The following R3HDM1 variants were observed in gnomAD, a reference collection of about 807,000 sequenced individuals.
R3HDM1 encodes the protein R3H domain-containing protein 1.
A neutral mutation model predicts 141.1 loss-of-function variants in R3HDM1; 46 were observed. The observed-to-expected ratio is 0.33, with a 90% confidence interval of 0.26 to 0.42. The LOEUF (loss-of-function observed/expected upper bound fraction) is 0.42, where lower values mean the gene tolerates loss of function less well. Ranked by LOEUF, R3HDM1 falls within the 10% of genes least tolerant of loss-of-function variation. The probability of loss-of-function intolerance (pLI) is 1.00; values close to 1 mark genes in which losing one functional copy is unlikely to be tolerated. For synonymous variants in R3HDM1, 435 were observed against 472.9 expected, an observed-to-expected ratio of 0.92 and a Z score of 1.04; for missense variants, 1,184 against 1,368.3, an observed-to-expected ratio of 0.87 and a Z score of 2.12.
intron 2 of R3HDM1, among the ~76,000 whole-genome samples, 169 bp from the exon 3 acceptor site, chr2:135,604,637 T>C (rs2059899572): frequency 6.6e-6 from 1 of 152,186 alleles, no homozygotes; most frequent in African/African-American, 2.4e-5. Context: ...TTGTGATCTT[T>C]TTTTTAATTT....
intron 1 of R3HDM1, among the ~76,000 whole-genome samples, chr2:135,545,049 A>G (rs946759309): frequency 9.2e-5 from 14 of 152,232 alleles, no homozygotes; most frequent in African/African-American, 3.4e-4. Flanking sequence ...TAATGATTCC[A>G]TAAATACTGA....
At chr2:135,712,978 G>A (rs1042722484) in intron 23 of R3HDM1, among the ~76,000 whole-genome samples, 7 of 151,968 alleles carry the variant, frequency 4.6e-5, no homozygotes, top group African/African-American at 1.4e-4. Context: ...AAGGAGAAAG[G>A]ATCACTTGAG....
chr2:135,547,303 A>G (rs1437386983), intron 1 of R3HDM1, among the ~76,000 whole-genome samples: 3 of 152,298 alleles, frequency 2.0e-5, no homozygotes, highest in South Asian at 2.1e-4. Flanking sequence ...GCATTTGACT[A>G]TCATTCTCAT....
chr2:135,722,318 C>A, intron 25 of R3HDM1, 151 bp from the exon 26 acceptor site: 1 of 773,444 alleles, frequency 1.3e-6, no homozygotes, highest in Non-Finnish European at 2.1e-6. Context: ...ATGCCACTGC[C>A]ACAGGCAGAA....
intron 21 of R3HDM1, among the ~76,000 whole-genome samples, chr2:135,683,271 T>A (rs1035369744): frequency 6.6e-6 from 1 of 151,726 alleles, no homozygotes; most frequent in Admixed American, 6.6e-5. Context: ...TAAAGTTCTC[T>A]GACTGGCTGC....
intron 16 of R3HDM1, among the ~76,000 whole-genome samples, chr2:135,649,624 A>G (rs2064918175): frequency 6.6e-6 from 1 of 152,184 alleles, no homozygotes; most frequent in Non-Finnish European, 1.5e-5. Flanking sequence ...TGCCTAAGTC[A>G]CCTGTTCCCG....
chr2:135,574,383 T>G (rs1290465846), intron 1 of R3HDM1, among the ~76,000 whole-genome samples: 1 of 152,344 alleles, frequency 6.6e-6, no homozygotes, highest in African/African-American at 2.4e-5. Context: ...GCATTAGACC[T>G]GAATGGTTTC....
At chr2:135,597,451 A>G (rs1351032109) in intron 1 of R3HDM1, among the ~76,000 whole-genome samples, 2 of 152,232 alleles carry the variant, frequency 1.3e-5, no homozygotes, top group African/African-American at 4.8e-5. Context: ...TGCAAATGTG[A>G]ATTTCCACTA....
chr2:135,615,055 TTTTTC>T (rs1381966127), intron 3 of R3HDM1, among the ~76,000 whole-genome samples: 2 of 152,078 alleles, frequency 1.3e-5, no homozygotes, highest in African/African-American at 4.8e-5. Flanking sequence ...AACAAAGTCA[TTTTTC>T]TTTTATTTTT....
At chr2:135,657,249 CA>C (rs1170645898) in intron 18 of R3HDM1, among the ~76,000 whole-genome samples, 134 of 141,408 alleles carry the variant, frequency 9.5e-4, no homozygotes, top group Middle Eastern at 3.7e-3. Flanking sequence ...CTAAAAATAC[CA>C]AAAAAAAAAA....
intron 21 of R3HDM1, among the ~76,000 whole-genome samples, chr2:135,705,914 G>A (rs1477480416): frequency 6.6e-6 from 1 of 152,066 alleles, no homozygotes; most frequent in Admixed American, 6.6e-5. Flanking sequence ...CGGATCACGA[G>A]GTCAGGAGAT....
intron 19 of R3HDM1, among the ~76,000 whole-genome samples, chr2:135,663,339 A>G (rs2067009363): frequency 1.3e-5 from 2 of 152,180 alleles, no homozygotes; most frequent in African/African-American, 4.8e-5. Flanking sequence ...GGCACAAAAA[A>G]GAGAATCATG....
intron 7 of R3HDM1, among the ~76,000 whole-genome samples, chr2:135,630,012 G>T (rs1483878116): frequency 1.3e-5 from 2 of 151,078 alleles, no homozygotes; most frequent in Non-Finnish European, 2.9e-5. Context: ...GATAAAATTT[G>T]CAGTAGTAAT....
chr2:135,590,480 A>C, intron 1 of R3HDM1: 2 of 890,630 alleles, frequency 2.2e-6, no homozygotes, highest in Non-Finnish European at 2.7e-6. Flanking sequence ...GTTAAATATG[A>C]ATAACTACTA....
chr2:135,550,890 C>A (rs1232790126), intron 1 of R3HDM1, among the ~76,000 whole-genome samples: 2 of 152,180 alleles, frequency 1.3e-5, no homozygotes, highest in Non-Finnish European at 2.9e-5. Flanking sequence ...GCTTGTCAGG[C>A]ATACTACAAT....
At chr2:135,632,349 A>AAG (rs769202241) in intron 9 of R3HDM1, among the ~76,000 whole-genome samples, 36 of 151,804 alleles carry the variant, frequency 2.4e-4, no homozygotes, top group Non-Finnish European at 4.0e-4. Flanking sequence ...AAAAAAACAC[A>AAG]AGAGAGAGAG....
chr2:135,677,395 A>AT (rs1326620807), intron 20 of R3HDM1, among the ~76,000 whole-genome samples: 1 of 152,156 alleles, frequency 6.6e-6, no homozygotes, highest in African/African-American at 2.4e-5. Flanking sequence ...ATAGTTAAGC[A>AT]TTAAACAGGA....
intron 19 of R3HDM1, among the ~76,000 whole-genome samples, chr2:135,662,670 T>A (rs1282188480): frequency 6.6e-6 from 1 of 152,204 alleles, no homozygotes; most frequent in Non-Finnish European, 1.5e-5. Context: ...CCACGTCAAA[T>A]AATGTAAACT....
At chr2:135,589,077 T>C (rs1708620640) in intron 1 of R3HDM1, among the ~76,000 whole-genome samples, 1 of 152,148 alleles carries the variant, frequency 6.6e-6, no homozygotes, top group Admixed American at 6.6e-5. Flanking sequence ...GTTTAGATAA[T>C]CACAAACCTA....
Sources: gnomAD v4.1 joint callset for allele counts (sites outside exome capture counted in the v4.1 genomes callset) on GRCh38, gnomAD v4.1.1 for gene constraint, MANE v1.5 for transcripts, NCBI Gene and HGNC (gene_info 2026-07-23, HGNC 2026-07-21) for gene names.